The following AFF3 variants were observed in gnomAD, a reference collection of about 807,000 sequenced individuals.
The protein encoded by AFF3 is ALF transcription elongation factor 3.
A neutral mutation model predicts 129.7 loss-of-function variants in AFF3; 32 were observed. The observed-to-expected ratio is 0.25, with a 90% confidence interval of 0.19 to 0.33. The LOEUF (loss-of-function observed/expected upper bound fraction) is 0.33. AFF3 is among the 10% of genes least tolerant of loss of function. AFF3 has a pLI of 1.00. For synonymous variants in AFF3, 644 were observed against 635.4 expected, an observed-to-expected ratio of 1.01 and a Z score of -0.20; for missense variants, 1,373 against 1,592.0, an observed-to-expected ratio of 0.86 and a Z score of 2.34.
intron 8 of AFF3, among the ~76,000 whole-genome samples, chr2:99,804,973 T>C (rs547922734): frequency 2.6e-5 from 4 of 152,206 alleles, no homozygotes; most frequent in East Asian, 1.9e-4. Flanking sequence ...AAACAACACA[T>C]TGGGTACAAT....
At chr2:100,136,040 G>A (rs529500864) in intron 1 of AFF3, among the ~76,000 whole-genome samples, 6 of 152,322 alleles carry the variant, frequency 3.9e-5, no homozygotes, top group Admixed American at 2.6e-4. Flanking sequence ...GGCTTCGTGG[G>A]GATGTGAGAA....
At chr2:100,016,921 TATG>T (rs1559061031) in intron 4 of AFF3, among the ~76,000 whole-genome samples, 2 of 150,200 alleles carry the variant, frequency 1.3e-5, no homozygotes, top group African/African-American at 2.5e-5. Flanking sequence ...TGGTGATTGT[TATG>T]ATAATGGTGA....
At chr2:99,879,962 A>C (rs571081397) in intron 7 of AFF3, among the ~76,000 whole-genome samples, 1 of 152,346 alleles carries the variant, frequency 6.6e-6, no homozygotes, top group Non-Finnish European at 1.5e-5. Flanking sequence ...CTAAAATAAC[A>C]ATAAAGGTGG....
chr2:99,679,633 C>G (rs1187561291), intron 11 of AFF3, among the ~76,000 whole-genome samples: 1 of 152,108 alleles, frequency 6.6e-6, no homozygotes, highest in African/African-American at 2.4e-5. Flanking sequence ...AAATGGAAAT[C>G]AACAGTCATA....
chr2:99,582,810 G>C lies in AFF3; in HGVS notation c.2781C>G (p.Gly927=). The C allele has an allele frequency of 6.2e-7, 1 of 1,614,094 alleles. No individual in the cohort carries two copies. The highest frequency in any genetic ancestry group is 2.2e-5 in the East Asian group (1 of 44,866). The change falls in exon 17 of 25, where the codon GGC becomes GGG. Residue 927 remains glycine, a synonymous_variant. Coordinates refer to ENST00000672756, the MANE Select transcript of AFF3 (RefSeq NM_001386135.1). ...AGCATCAACAAACCGTGAGGTCTCC[G>C]CCGTGAGGCTGCAGCTGGCTGTCGG... The part of the protein sequence containing the change: ...PKADSQLQPH[G]GDLTKAAHNN...
chr2:99,672,493 A>C lies in AFF3; in HGVS notation c.1143+45T>G. On this transcript the variant is annotated intron_variant, in intron 12 of 24. Transcript: ENST00000672756. ...CGGCACAGTCCACCAGGTAACTGTT[A>C]CCAGTGTCACCTCCAAAGGATGATG... 1.3e-6 allele frequency: 2 copies of C among 1,581,546 alleles called. 1 individual carries two copies.
At chr2:99,986,622 T>C (rs906342833) in intron 7 of AFF3, among the ~76,000 whole-genome samples, 2 of 152,214 alleles carry the variant, frequency 1.3e-5, no homozygotes, top group Admixed American at 6.5e-5. Context: ...CAAATGTGGT[T>C]CTAAGTGCAT....
intron 11 of AFF3, among the ~76,000 whole-genome samples, chr2:99,714,201 C>T (rs778088613): frequency 6.6e-6 from 1 of 152,168 alleles, no homozygotes; most frequent in African/African-American, 2.4e-5. Context: ...TCAGGTGAAA[C>T]TGACCTTTCC....
intron 7 of AFF3, among the ~76,000 whole-genome samples, chr2:99,931,842 G>T (rs1048845586): frequency 6.6e-6 from 1 of 152,218 alleles, no homozygotes; most frequent in Non-Finnish European, 1.5e-5. Context: ...TCGGGAGGCA[G>T]AGGTTGCAGT....
intron 7 of AFF3, among the ~76,000 whole-genome samples, chr2:99,954,980 A>G (rs1164864644): frequency 2.0e-5 from 3 of 152,010 alleles, no homozygotes; most frequent in African/African-American, 4.8e-5. Flanking sequence ...TACAAAAAAA[A>G]TAAATAAATA....
intron 10 of AFF3, among the ~76,000 whole-genome samples, chr2:99,727,814 G>T (rs895086253): frequency 6.6e-6 from 1 of 151,992 alleles, no homozygotes; most frequent in African/African-American, 2.4e-5. Context: ...TGCCCGCCTC[G>T]GCCTCTCAAA....
intron 7 of AFF3, among the ~76,000 whole-genome samples, chr2:99,922,116 GCTGA>G (rs1558977671): frequency 6.6e-6 from 1 of 152,088 alleles, no homozygotes; most frequent in Non-Finnish European, 1.5e-5. Flanking sequence ...CTAAAAAACC[GCTGA>G]CTAAGTATGT....
rs1691050505 is a variant in AFF3, at chr2:100,104,457, T to C, written c.-3A>G. The C allele has an allele frequency of 4.6e-6, 6 of 1,314,434 alleles. No individual in the cohort carries two copies. Among genetic ancestry groups the C allele is most frequent in the Non-Finnish European group, 6.0e-6 (6 of 1,008,042 alleles). 81.4% of individuals were successfully genotyped at this position (1,314,434 alleles called of 1,614,324 possible). On this transcript the variant is annotated 5_prime_UTR_variant, in exon 4 of 25. Coordinates refer to ENST00000672756, the MANE Select transcript of AFF3 (RefSeq NM_001386135.1). ...AGGGCTAAGTCGAAGCTGTCCATGG[T>C]GGGAGGTGTCAGCGTCGCCGCCGCC... is the stretch of plus-strand genomic sequence containing the variant.
rs59005550 is a variant in AFF3 at position 100,059,254 on chromosome 2, CAAAAAAAAAAAAA to C, written c.53+45135_53+45147del. On this transcript the variant is annotated intron_variant, in intron 4 of 24. Coordinates refer to ENST00000672756, the MANE Select transcript of AFF3 (RefSeq NM_001386135.1). ...GGCAACAGAAGTGAGACTCTGTCTC[CAAAAAAAAAAAAA>C]AAAAAAAAAAAAGCAATGGATCTCA... Among the ~76,000 whole-genome samples, 72 of 31,026 alleles carry C rather than the reference CAAAAAAAAAAAAA, an allele frequency of 2.3e-3. 2 individuals are homozygous for C. Among genetic ancestry groups the C allele is most frequent in the Admixed American group, 3.1e-3 (6 of 1,926 alleles). 20.4% of individuals were successfully genotyped at this position (31,026 alleles called of 152,430 possible).
chr2:99,741,688 A>C (rs1040073412), intron 10 of AFF3, among the ~76,000 whole-genome samples: 1 of 152,056 alleles, frequency 6.6e-6, no homozygotes, highest in African/African-American at 2.4e-5. Flanking sequence ...CAAGCTACCA[A>C]TGACTTTCTT....
chr2:99,929,035 T>C (rs1419822971), intron 7 of AFF3, among the ~76,000 whole-genome samples: 6 of 152,140 alleles, frequency 3.9e-5, no homozygotes, highest in South Asian at 4.1e-4. Flanking sequence ...AAAAGAATAA[T>C]TGACATCAGT....
intron 8 of AFF3, among the ~76,000 whole-genome samples, chr2:99,817,890 A>C (rs1202315839): frequency 6.6e-6 from 1 of 152,190 alleles, no homozygotes; most frequent in Non-Finnish European, 1.5e-5. Flanking sequence ...ATAAACTCTA[A>C]ATTCACTCAG....
chr2:100,024,539 C>T (rs902611044), intron 4 of AFF3, among the ~76,000 whole-genome samples: 3 of 151,742 alleles, frequency 2.0e-5, no homozygotes, highest in African/African-American at 7.3e-5. Flanking sequence ...ACCCAGGAGG[C>T]GGAGGTTGCG....
chr2:99,867,719 G>C (rs550277129), intron 7 of AFF3, among the ~76,000 whole-genome samples: 1 of 152,106 alleles, frequency 6.6e-6, no homozygotes, highest in Non-Finnish European at 1.5e-5. Flanking sequence ...CCCAATCCCC[G>C]GGAGTGAAAG....
Sources: allele counts gnomAD v4.1 joint callset (sites outside exome capture counted in the v4.1 genomes callset), GRCh38; gene constraint gnomAD v4.1.1; transcripts MANE v1.5; gene names NCBI Gene and HGNC (gene_info 2026-07-23, HGNC 2026-07-21).